The following SNX15 variants were observed in gnomAD, a reference collection of about 807,000 sequenced individuals.
SNX15 encodes sorting nexin 15, also known as sorting nexin-15.
SNX15 carries 29 observed loss-of-function variants against 35.2 expected under a neutral mutation model. That is an observed-to-expected ratio of 0.82 (90% CI 0.61 to 1.12). The LOEUF (loss-of-function observed/expected upper bound fraction) is 1.12, where lower values mean the gene tolerates loss of function less well. SNX15 is among the 50% of genes most tolerant of loss of function. The pLI is 0.00. For missense variants in SNX15, 400 were observed against 451.5 expected (o/e 0.89, Z 1.03); for synonymous variants, 189 against 188.2 (o/e 1.00, Z -0.03).
intron 2 of SNX15, 73 bp from the exon 3 acceptor site, chr11:65,032,358 G>A (rs939722413): frequency 3.7e-6 from 6 of 1,609,430 alleles, no homozygotes; most frequent in Non-Finnish European, 4.3e-6. Flanking sequence ...CACGCCCCCT[G>A]GGGGCAGGCT....
Position 65,027,508 on chromosome 11 carries a change from C to A in SNX15, c.-30C>A, listed in dbSNP as rs568235874. ...GTGGGGACGGCGAGGAGGTGGAGGC[C>A]GGCGCTCCGCTCCGCTCCAGCTCGG... is the stretch of plus-strand genomic sequence containing the variant. On this transcript the variant is annotated 5_prime_UTR_variant, in exon 1 of 8. Transcript: ENST00000377244. 74 of 1,591,872 alleles carry A rather than the reference C, an allele frequency of 4.6e-5. No homozygotes were observed. Among genetic ancestry groups the A allele is most frequent in the Non-Finnish European group, 6.2e-5 (72 of 1,160,778 alleles).
rs1331878748 is a variant in SNX15, at chr11:65,027,578, C to G, written c.41C>G (p.Thr14Arg). 6.2e-7 allele frequency: 1 copy of G among 1,614,146 alleles called. No individual in the cohort carries two copies. Among genetic ancestry groups the G allele is most frequent in the Non-Finnish European group, 8.5e-7 (1 of 1,180,038 alleles). ...QAKDDFLRHY[T>R]VSDPRTHPKG... Reference sequence around the variant, plus strand: ...AAGGATGACTTCCTGCGGCACTACACAGTGTCGGACCCCAGGACTCACCCC... The same window carrying G: ...AAGGATGACTTCCTGCGGCACTACAGAGTGTCGGACCCCAGGACTCACCCC... Residue 14 changes from threonine to arginine, a missense_variant, in exon 1 of 8, where the codon ACA becomes AGA. Physicochemically the swap from Thr to Arg is moderately conservative, Grantham distance 71. Transcript: ENST00000377244.
At position 65,038,180 on chromosome 11, in the gene SNX15, T is replaced by C. The variant is rs1415851015; in HGVS notation, c.665-392T>C. On this transcript the variant is annotated intron_variant, in intron 6 of 7. Coordinates refer to ENST00000377244, the MANE Select transcript of SNX15 (RefSeq NM_013306.5). ...TTCTCTAAGTCTCCTATTCTAAGAT[T>C]ATTCCAAGTCTTGGAGCATTTCTAC... 4 of 762,280 alleles carry C rather than the reference T, an allele frequency of 5.2e-6. 1 individual carries two copies. Among genetic ancestry groups the C allele is most frequent in the Non-Finnish European group, 6.4e-6 (4 of 624,044 alleles). The allele number at this position is 762,280 out of a possible 1,614,324, so 47.2% of individuals were successfully genotyped here.
rs1022526931 is a variant in SNX15 at position 65,040,011 on chromosome 11, G to C, written c.*219G>C. 4 of 472,062 alleles carry C rather than the reference G, an allele frequency of 8.5e-6. No individual in the cohort carries two copies. Among genetic ancestry groups the C allele is most frequent in the Non-Finnish European group, 1.5e-5 (4 of 259,524 alleles). The allele number at this position is 472,062 out of a possible 1,614,324, so 29.2% of individuals were successfully genotyped here. A position where few individuals can be genotyped will look rare whatever the true frequency, so the allele number is the denominator to read the frequency against. On this transcript the variant is annotated 3_prime_UTR_variant, in exon 8 of 8. Transcript: ENST00000377244. ...CTTCTGACCCTGCCTGTCTTTTTGG[G>C]GTTTTTTTGAGTTGGAGTCTCGCTG...
intron 2 of SNX15, 83 bp from the exon 3 acceptor site, chr11:65,032,348 C>A: frequency 6.2e-7 from 1 of 1,606,356 alleles, no homozygotes; most frequent in Non-Finnish European, 8.5e-7. Flanking sequence ...TCCTGATCCT[C>A]ACGCCCCCTG....
chr11:65,036,973 C>A (rs1156237635), intron 6 of SNX15: 1 of 152,240 alleles, frequency 6.6e-6, no homozygotes, highest in Non-Finnish European at 1.5e-5. Context: ...AAATGCCCTG[C>A]CTCTTTCACT....
intron 1 of SNX15, among the ~76,000 whole-genome samples, chr11:65,030,642 G>A (rs1261087167): frequency 1.3e-5 from 2 of 151,394 alleles, no homozygotes; most frequent in Admixed American, 1.3e-4. Flanking sequence ...GGGACTACAG[G>A]CACTTGCCAC....
At position 65,027,528 on chromosome 11, in the gene SNX15, G is replaced by T. The variant is rs1946385171; in HGVS notation, c.-10G>T. 1.2e-6 allele frequency: 2 copies of T among 1,612,350 alleles called. No homozygotes were observed. Among genetic ancestry groups the T allele is most frequent in the Non-Finnish European group, 1.7e-6 (2 of 1,178,736 alleles). ...GAGGCCGGCGCTCCGCTCCGCTCCAGCTCGGTTTCATGTCCCGCCAGGCGA... is the reference window on the plus strand; with the variant it reads ...GAGGCCGGCGCTCCGCTCCGCTCCATCTCGGTTTCATGTCCCGCCAGGCGA... On this transcript the variant is annotated 5_prime_UTR_variant, in exon 1 of 8. Coordinates refer to ENST00000377244, the MANE Select transcript of SNX15 (RefSeq NM_013306.5).
chr11:65,027,462 G>A lies in SNX15; in HGVS notation c.-76G>A, dbSNP rs1362374081. ...GCGCAGGCCTGGCGAGGCGGCGGCGGGCGGAGGCTGGGCCGGAGGGGTGGG... is the reference window on the plus strand; with the variant it reads ...GCGCAGGCCTGGCGAGGCGGCGGCGAGCGGAGGCTGGGCCGGAGGGGTGGG... On this transcript the variant is annotated 5_prime_UTR_variant, in exon 1 of 8. Transcript: ENST00000377244. 3 of 1,189,534 alleles carry A rather than the reference G, an allele frequency of 2.5e-6. No individual in the cohort carries two copies. Among genetic ancestry groups the A allele is most frequent in the Non-Finnish European group, 3.8e-6 (3 of 797,394 alleles). The allele number at this position is 1,189,534 out of a possible 1,614,324, so 73.7% of individuals were successfully genotyped here.
chr11:65,035,743 G>C, intron 6 of SNX15, 80 bp downstream of exon 6: 1 of 1,442,350 alleles, frequency 6.9e-7, no homozygotes, highest in Non-Finnish European at 9.4e-7. Context: ...CCACTAGCCT[G>C]CTCAGTGCCT....
chr11:65,032,231 G>A, intron 2 of SNX15, 28 bp downstream of exon 2: 1 of 1,610,654 alleles, frequency 6.2e-7, no homozygotes, highest in Non-Finnish European at 8.5e-7. Context: ...AAGAGGGACT[G>A]TTCTGCAGTT....
intron 1 of SNX15, among the ~76,000 whole-genome samples, chr11:65,028,659 A>ATATTAAAAT (rs1946402394): frequency 6.7e-6 from 1 of 148,318 alleles, no homozygotes; most frequent in Non-Finnish European, 1.5e-5. Flanking sequence ...CCCCGGATCA[A>ATATTAAAAT]TATTAAAATA....
intron 7 of SNX15, among the ~76,000 whole-genome samples, chr11:65,039,128 A>G (rs1946542981): frequency 6.8e-6 from 1 of 146,804 alleles, no homozygotes; most frequent in South Asian, 2.1e-4. Flanking sequence ...GGTTCAAGTG[A>G]TTCTACTGCC....
At position 65,035,071 on chromosome 11, in the gene SNX15, A is replaced by G. The variant is rs1946484729; in HGVS notation, c.385A>G (p.Thr129Ala). 2.5e-6 allele frequency: 4 copies of G among 1,612,876 alleles called. No individual in the cohort carries two copies. Among genetic ancestry groups the G allele is most frequent in the Non-Finnish European group, 3.4e-6 (4 of 1,179,686 alleles). ...TTCTGTCCTGCAGGGTGGGGAGGTGACCCGACCCTTGGAGGTGTCCAGGGA... is the reference window on the plus strand; with the variant it reads ...TTCTGTCCTGCAGGGTGGGGAGGTGGCCCGACCCTTGGAGGTGTCCAGGGA... ...LKEFFRGGEV[T>A]RPLEVSRDLH... The change falls in exon 5 of 8, where the codon ACC becomes GCC. Residue 129 changes from threonine to alanine, a missense_variant. Thr to Ala is a moderately conservative substitution (Grantham distance 58). Transcript: ENST00000377244.
Position 65,035,621 on chromosome 11 carries a change from AC to A in SNX15, c.624del (p.Glu209ArgfsTer61), listed in dbSNP as rs1158525805. The A allele has an allele frequency of 6.2e-7, 1 of 1,613,582 alleles. No individual in the cohort carries two copies. The highest frequency in any genetic ancestry group is 1.3e-5 in the African/African-American group (1 of 74,910). On this transcript the variant is annotated frameshift_variant, in exon 6 of 8. Coordinates refer to ENST00000377244, the MANE Select transcript of SNX15 (RefSeq NM_013306.5). LOFTEE classifies it high-confidence loss of function. ...TGGTTCCCCTGCCCGAGGCCCCCTCACCGAGGCTGAGCTTGCCCTCTTCGAC... is the reference window on the plus strand; with the variant it reads ...TGGTTCCCCTGCCCGAGGCCCCCTCACGAGGCTGAGCTTGCCCTCTTCGAC... ...ASGSPARGPLTEAELALFDPF... is the reference protein window; with the variant it reads ...ASGSPARGPLXEAELALFDPF...
intron 1 of SNX15, among the ~76,000 whole-genome samples, chr11:65,028,539 T>TA (rs1344785186): frequency 6.6e-6 from 1 of 151,928 alleles, no homozygotes; most frequent in Non-Finnish European, 1.5e-5. Context: ...ATAATGCAAA[T>TA]AAGGCCGGGC....
At position 65,038,806 on chromosome 11, in the gene SNX15, A is replaced by G; in HGVS notation, c.899A>G (p.His300Arg). The change falls in exon 7 of 8, where the codon CAC becomes CGC. Residue 300 changes from histidine to arginine, a missense_variant. Coordinates refer to ENST00000377244, the MANE Select transcript of SNX15 (RefSeq NM_013306.5). ...AALQGYRDGV[H>R]VLLQGVPSDP... is the part of the protein sequence containing the mutation. ...CTCCAGGGCTATCGAGACGGCGTGC[A>G]CGTCTTGCTTCAGGGAGTCCCCAGT... 6.3e-7 allele frequency: 1 copy of G among 1,591,838 alleles called. No individual in the cohort carries two copies. Among genetic ancestry groups the G allele is most frequent in the African/African-American group, 1.3e-5 (1 of 74,790 alleles).
At position 65,035,625 on chromosome 11, in the gene SNX15, A is replaced by G. The variant is rs150453838; in HGVS notation, c.626A>G (p.Glu209Gly). ...TCCCCTGCCCGAGGCCCCCTCACCGAGGCTGAGCTTGCCCTCTTCGACCCC... is the reference window on the plus strand; with the variant it reads ...TCCCCTGCCCGAGGCCCCCTCACCGGGGCTGAGCTTGCCCTCTTCGACCCC... ...SGSPARGPLT[E>G]AELALFDPFS... The change falls in exon 6 of 8, where the codon GAG (glutamate) becomes GGG (glycine). Residue 209 changes from glutamate to glycine, a missense_variant. By Grantham distance (98) the Glu-to-Gly change is moderately conservative. Coordinates refer to ENST00000377244, the MANE Select transcript of SNX15 (RefSeq NM_013306.5). 1 of 1,613,534 alleles carries G rather than the reference A, an allele frequency of 6.2e-7. No individual in the cohort carries two copies. Among genetic ancestry groups the G allele is most frequent in the Non-Finnish European group, 8.5e-7 (1 of 1,179,730 alleles).
intron 6 of SNX15, chr11:65,035,988 G>T (rs987641557): frequency 8.5e-6 from 2 of 235,522 alleles, no homozygotes; most frequent in African/African-American, 4.5e-5. Flanking sequence ...TTCCTTCCCT[G>T]CAAGCTCTTG....
Sources: gnomAD v4.1 joint callset for allele counts (sites outside exome capture counted in the v4.1 genomes callset) on GRCh38, gnomAD v4.1.1 for gene constraint, MANE v1.5 for transcripts, NCBI Gene and HGNC (gene_info 2026-07-23, HGNC 2026-07-21) for gene names.